Variants in CSMD1 observed in about 807,000 individuals in gnomAD.
CSMD1 encodes CUB and sushi domain-containing protein 1.
A neutral mutation model predicts 417.5 loss-of-function variants in CSMD1; 213 were observed. That is an observed-to-expected ratio of 0.51 (90% CI 0.46 to 0.57). The LOEUF is 0.57. Ranked by LOEUF, CSMD1 falls within the 20% of genes least tolerant of loss-of-function variation. CSMD1 has a pLI of 0.00. For synonymous variants in CSMD1, 2,862 were observed against 1,736.8 expected, an observed-to-expected ratio of 1.65 and a Z score of -16.11; for missense variants, 6,923 against 4,529.7, an observed-to-expected ratio of 1.53 and a Z score of -15.17.
intron 1 of CSMD1, among the ~76,000 whole-genome samples, chr8:4,718,329 C>T (rs951555803): frequency 6.6e-6 from 1 of 152,212 alleles, no homozygotes; most frequent in Middle Eastern, 3.4e-3. Context: ...CTTATATTAA[C>T]AATCAATTAT....
At chr8:3,717,390 C>T (rs527762972) in intron 6 of CSMD1, among the ~76,000 whole-genome samples, 21 of 151,698 alleles carry the variant, frequency 1.4e-4, no homozygotes, top group African/African-American at 4.8e-4. Context: ...CACTGAGTCA[C>T]ACAGTATTAA....
intron 7 of CSMD1, among the ~76,000 whole-genome samples, chr8:3,682,783 G>A (rs373840363): frequency 2.0e-5 from 3 of 152,140 alleles, no homozygotes; most frequent in East Asian, 3.8e-4. Flanking sequence ...CAAAGACTTG[G>A]ATCCAACCTA....
chr8:3,779,533 T>C (rs186847849), intron 5 of CSMD1, among the ~76,000 whole-genome samples: 1 of 152,190 alleles, frequency 6.6e-6, no homozygotes, highest in South Asian at 2.1e-4. Context: ...CTCTGCTAAA[T>C]GAGCCATGCA....
intron 61 of CSMD1, among the ~76,000 whole-genome samples, chr8:2,961,828 G>C (rs1232357679): frequency 6.6e-6 from 1 of 152,090 alleles, no homozygotes; most frequent in East Asian, 1.9e-4. Flanking sequence ...TAACCTTCTA[G>C]GGGGAAGAAA....
At chr8:4,934,069 C>G (rs1807438554) in intron 1 of CSMD1, among the ~76,000 whole-genome samples, 1 of 151,968 alleles carries the variant, frequency 6.6e-6, no homozygotes. Context: ...CAAAGAAGGT[C>G]TCCATGAACT....
chr8:3,159,315 G>C (rs1040472722), intron 38 of CSMD1, among the ~76,000 whole-genome samples: 1 of 152,134 alleles, frequency 6.6e-6, no homozygotes, highest in Non-Finnish European at 1.5e-5. Context: ...ATCAAAACAA[G>C]ATAGGACCCT....
rs529383224 is a variant in CSMD1 at position 4,146,479 on chromosome 8, G to A, written c.416-114380C>T. On this transcript the variant is annotated intron_variant, in intron 3 of 69. Transcript: ENST00000635120. ...TAGAGTTAACAATGTTGAAAAGGCT[G>A]TTTACCCAGTTCCTCAGACGTTGTG... is the stretch of plus-strand genomic sequence containing the variant. 8.0e-5 allele frequency among the ~76,000 whole-genome samples: 12 copies of A among 149,230 alleles called. 1 individual carries two copies. The highest frequency in any genetic ancestry group is 2.5e-4 in the African/African-American group (10 of 39,610).
intron 2 of CSMD1, among the ~76,000 whole-genome samples, chr8:4,599,449 T>A (rs1800466702): frequency 1.3e-5 from 2 of 151,920 alleles, no homozygotes; most frequent in African/African-American, 4.8e-5. Flanking sequence ...TGTACCTAAT[T>A]AAGAGAAGAC....
At chr8:2,952,253 G>A (rs962005832) in intron 65 of CSMD1, among the ~76,000 whole-genome samples, 1 of 152,152 alleles carries the variant, frequency 6.6e-6, no homozygotes, top group Non-Finnish European at 1.5e-5. Context: ...GAGTTGCTAG[G>A]TGGAAATGAA....
intron 12 of CSMD1, among the ~76,000 whole-genome samples, chr8:3,420,515 A>G (rs189945795): frequency 6.6e-6 from 1 of 152,202 alleles, no homozygotes; most frequent in East Asian, 1.9e-4. Context: ...AACGATATAA[A>G]GTATTAAATA....
chr8:4,636,250 C>A (rs950382013), intron 2 of CSMD1, among the ~76,000 whole-genome samples: 1 of 151,838 alleles, frequency 6.6e-6, no homozygotes, highest in Non-Finnish European at 1.5e-5. Context: ...TCTTCCTTTG[C>A]CAAATTGAAA....
chr8:3,768,493 CCATAAACAAGAATATAAAATAG>C (rs1415488175), intron 5 of CSMD1, among the ~76,000 whole-genome samples: 2 of 151,950 alleles, frequency 1.3e-5, no homozygotes, highest in African/African-American at 4.8e-5. Flanking sequence ...CTAGTTTATG[CCATAAACAAGAATATAAAATAG>C]CATGAGACAA....
Position 3,230,087 on chromosome 8 carries a change from T to G in CSMD1, c.4298A>C (p.Gln1433Pro), listed in dbSNP as rs373735359. Residue 1433 changes from glutamine (Q) to proline (P), a missense_variant, in exon 27 of 70, where the codon CAG becomes CCG. Gln to Pro is a moderately conservative substitution (Grantham distance 76). Transcript: ENST00000635120. ...TTGCCAAAAGAACCGGTTATTCAGC[T>G]GCACACAGGTGATTTTGGCTTGTCC... ...LQGQAKITCVQLNNRFFWQPD... is the reference protein window; with the variant it reads ...LQGQAKITCVPLNNRFFWQPD... 6.2e-7 allele frequency: 1 copy of G among 1,613,028 alleles called. No homozygotes were observed. The highest frequency in any genetic ancestry group is 8.5e-7 in the Non-Finnish European group (1 of 1,179,432).
At chr8:3,886,025 A>G (rs989987215) in intron 5 of CSMD1, among the ~76,000 whole-genome samples, 1 of 151,994 alleles carries the variant, frequency 6.6e-6, no homozygotes, top group Non-Finnish European at 1.5e-5. Flanking sequence ...ACATATATAT[A>G]CATACATATA....
chr8:4,012,467 G>C (rs186912974), intron 4 of CSMD1, among the ~76,000 whole-genome samples: 1 of 152,040 alleles, frequency 6.6e-6, no homozygotes, highest in Admixed American at 6.5e-5. Context: ...ACACATGCAG[G>C]TTTGTTACTT....
At chr8:3,463,619 G>C (rs1816639883) in intron 12 of CSMD1, among the ~76,000 whole-genome samples, 1 of 152,188 alleles carries the variant, frequency 6.6e-6, no homozygotes, top group African/African-American at 2.4e-5. Context: ...GGACCAGTGA[G>C]CTGTCCTCGG....
At chr8:4,816,682 C>A (rs755014327) in intron 1 of CSMD1, among the ~76,000 whole-genome samples, 1 of 152,154 alleles carries the variant, frequency 6.6e-6, no homozygotes, top group Non-Finnish European at 1.5e-5. Flanking sequence ...CATCAGAAAG[C>A]AGGACTTAAA....
chr8:4,532,362 G>A (rs113243861), intron 2 of CSMD1, among the ~76,000 whole-genome samples: 19 of 113,562 alleles, frequency 1.7e-4, no homozygotes, highest in African/African-American at 5.2e-4. Context: ...TCCTGCACCC[G>A]CATTCAGTCA....
chr8:4,502,783 G>C (rs1283692825), intron 2 of CSMD1, among the ~76,000 whole-genome samples: 15 of 152,134 alleles, frequency 9.9e-5, no homozygotes, highest in Admixed American at 9.8e-4. Context: ...ACAAGAGCAT[G>C]ACCAATCTGT....
Sources: gnomAD v4.1 joint callset for allele counts (sites outside exome capture counted in the v4.1 genomes callset) on GRCh38, gnomAD v4.1.1 for gene constraint, MANE v1.5 for transcripts, NCBI Gene and HGNC (gene_info 2026-07-23, HGNC 2026-07-21) for gene names.